Variants in LUZP2 observed in about 807,000 individuals in gnomAD.
The protein encoded by LUZP2 is leucine zipper protein 2.
LUZP2 carries 52 observed loss-of-function variants against 51.6 expected under a neutral mutation model. The observed-to-expected ratio is 1.01, with a 90% CI of 0.81 to 1.27. The LOEUF (loss-of-function observed/expected upper bound fraction) is 1.27, where lower values mean the gene tolerates loss of function less well. Ranked by LOEUF, LUZP2 falls within the 50% of genes most tolerant of loss-of-function variation. The pLI, the probability that LUZP2 is intolerant of heterozygous loss-of-function variation, is 0.00. For synonymous variants in LUZP2, 154 were observed against 137.3 expected, an observed-to-expected ratio of 1.12 and a Z score of -0.85; for missense variants, 436 against 395.4, an observed-to-expected ratio of 1.10 and a Z score of -0.87.
chr11:24,513,475 ATAT>A (rs1461850848), intron 1 of LUZP2, among the ~76,000 whole-genome samples: 3 of 152,228 alleles, frequency 2.0e-5, no homozygotes, highest in African/African-American at 7.2e-5. Flanking sequence ...CTATTTTCAG[ATAT>A]TATGAAAACA....
At chr11:24,811,739 C>G (rs1850029762) in intron 5 of LUZP2, among the ~76,000 whole-genome samples, 1 of 152,118 alleles carries the variant, frequency 6.6e-6, no homozygotes, top group Non-Finnish European at 1.5e-5. Context: ...AGGCATTTCA[C>G]TCTAGCCCAA....
chr11:24,916,740 G>A (rs569702068), intron 7 of LUZP2, among the ~76,000 whole-genome samples: 2 of 152,180 alleles, frequency 1.3e-5, no homozygotes, highest in Non-Finnish European at 2.9e-5. Context: ...ATCACTGATG[G>A]ACATTTGGGT....
At chr11:24,692,284 A>G (rs982829067) in intron 1 of LUZP2, among the ~76,000 whole-genome samples, 1 of 152,046 alleles carries the variant, frequency 6.6e-6, no homozygotes, top group Non-Finnish European at 1.5e-5. Context: ...TGCAGAAGCA[A>G]AAAGTGCTGA....
chr11:24,686,239 GGCTAAGTT>G (rs1456147307), intron 1 of LUZP2, among the ~76,000 whole-genome samples: 1,985 of 143,220 alleles, frequency 0.014, 52 homozygotes, highest in African/African-American at 0.049. Flanking sequence ...AAAAAAAATT[GGCTAAGTT>G]GCTTACTTTA....
chr11:24,673,323 G>A (rs1856455875), intron 1 of LUZP2, among the ~76,000 whole-genome samples: 1 of 152,118 alleles, frequency 6.6e-6, no homozygotes, highest in Non-Finnish European at 1.5e-5. Context: ...TGTGGTACAC[G>A]ACTATATATC....
intron 7 of LUZP2, among the ~76,000 whole-genome samples, chr11:24,920,425 G>A (rs1854005161): frequency 2.6e-5 from 4 of 151,856 alleles, no homozygotes; most frequent in Admixed American, 2.6e-4. Context: ...ATTTAACTCA[G>A]CAATCTCACT....
intron 1 of LUZP2, among the ~76,000 whole-genome samples, chr11:24,517,084 T>TTTA (rs1850489026): frequency 2.6e-5 from 4 of 152,170 alleles, no homozygotes; most frequent in Non-Finnish European, 5.9e-5. Flanking sequence ...ATTTTTTGTG[T>TTTA]TCTAAGTTGA....
At chr11:25,000,576 G>A (rs984475745) in intron 9 of LUZP2, among the ~76,000 whole-genome samples, 11 of 152,166 alleles carry the variant, frequency 7.2e-5, no homozygotes, top group Admixed American at 3.9e-4. Context: ...GGGCCCAAAG[G>A]TGAGTAACAG....
At chr11:24,571,922 A>G (rs186485578) in intron 1 of LUZP2, among the ~76,000 whole-genome samples, 1 of 152,124 alleles carries the variant, frequency 6.6e-6, no homozygotes, top group Admixed American at 6.6e-5. Context: ...TACATCCTCT[A>G]TTTGTGTTAC....
intron 4 of LUZP2, among the ~76,000 whole-genome samples, chr11:24,745,152 T>G (rs1859330688): frequency 6.6e-6 from 1 of 152,170 alleles, no homozygotes; most frequent in African/African-American, 2.4e-5. Context: ...TGGAGAAAGT[T>G]GCATGCGCTG....
At chr11:24,825,810 T>C (rs1850507595) in intron 5 of LUZP2, among the ~76,000 whole-genome samples, 1 of 152,062 alleles carries the variant, frequency 6.6e-6, no homozygotes, top group African/African-American at 2.4e-5. Flanking sequence ...CTGCTACATA[T>C]TTTCAAATAG....
At chr11:25,054,005 T>C (rs779363731) in intron 10 of LUZP2, among the ~76,000 whole-genome samples, 9 of 152,132 alleles carry the variant, frequency 5.9e-5, no homozygotes, top group Non-Finnish European at 1.2e-4. Flanking sequence ...CTCTTGGAGT[T>C]TTTGTATTTC....
chr11:24,757,426 A>G (rs938723168), intron 4 of LUZP2, among the ~76,000 whole-genome samples: 1 of 152,154 alleles, frequency 6.6e-6, no homozygotes, highest in African/African-American at 2.4e-5. Context: ...GATCAAACAC[A>G]TTGTCATACT....
intron 5 of LUZP2, among the ~76,000 whole-genome samples, chr11:24,898,309 T>C (rs1013921589): frequency 1.8e-4 from 28 of 151,924 alleles, no homozygotes; most frequent in African/African-American, 6.8e-4. Context: ...TCTGGCCAAA[T>C]AGCAGTAACA....
chr11:24,719,357 A>G (rs1371894773), intron 1 of LUZP2, among the ~76,000 whole-genome samples: 3 of 152,222 alleles, frequency 2.0e-5, no homozygotes, highest in Non-Finnish European at 4.4e-5. Context: ...AAAGAAAATA[A>G]TTAGTTAAAT....
chr11:24,503,217 TC>T (rs1850054016), intron 1 of LUZP2, among the ~76,000 whole-genome samples: 1 of 152,158 alleles, frequency 6.6e-6, no homozygotes, highest in Non-Finnish European at 1.5e-5. Context: ...GTAATAACAT[TC>T]TGACTATTAC....
chr11:24,643,262 A>G (rs1227743014), intron 1 of LUZP2, among the ~76,000 whole-genome samples: 1 of 147,796 alleles, frequency 6.8e-6, no homozygotes, highest in East Asian at 2.0e-4. Flanking sequence ...TACAAAAAAA[A>G]AAAAAAAAAA....
chr11:24,787,641 C>T (rs1254424374), intron 5 of LUZP2, among the ~76,000 whole-genome samples: 2 of 152,098 alleles, frequency 1.3e-5, no homozygotes, highest in African/African-American at 2.4e-5. Flanking sequence ...GATTCTACCT[C>T]CAACACTCAC....
intron 1 of LUZP2, among the ~76,000 whole-genome samples, chr11:24,542,634 C>T (rs1280929268): frequency 6.6e-6 from 1 of 151,492 alleles, no homozygotes; most frequent in Non-Finnish European, 1.5e-5. Context: ...TGGGTGAAAA[C>T]TGGGGAAAAA....
Sources: gnomAD v4.1 joint callset for allele counts (sites outside exome capture counted in the v4.1 genomes callset) on GRCh38, gnomAD v4.1.1 for gene constraint, MANE v1.5 for transcripts, NCBI Gene and HGNC (gene_info 2026-07-23, HGNC 2026-07-21) for gene names.